Variants in GPC6 observed in about 807,000 individuals in gnomAD.
The protein encoded by GPC6 is glypican 6.
Under a neutral mutation model 55.2 loss-of-function variants are expected in GPC6, and 14 were observed. The ratio of observed to expected loss-of-function variants is 0.25; its 90% CI spans 0.17 to 0.40. The LOEUF (loss-of-function observed/expected upper bound fraction) is 0.40. Ranked by LOEUF, GPC6 falls within the 10% of genes least tolerant of loss-of-function variation. The pLI is 1.00. For missense variants in GPC6, 641 were observed against 708.5 expected, an observed-to-expected ratio of 0.90 and a Z score of 1.08; for synonymous variants, 278 against 259.6, an observed-to-expected ratio of 1.07 and a Z score of -0.68.
intron 4 of GPC6, among the ~76,000 whole-genome samples, chr13:94,089,215 T>A (rs1410777978): frequency 1.3e-5 from 2 of 152,114 alleles, no homozygotes; most frequent in Non-Finnish European, 2.9e-5. Context: ...GTGAAAATGA[T>A]CACCAAACCT....
chr13:93,242,035 G>A (rs1354780083), intron 1 of GPC6, among the ~76,000 whole-genome samples: 1 of 152,186 alleles, frequency 6.6e-6, no homozygotes, highest in Non-Finnish European at 1.5e-5. Flanking sequence ...TGCTGGAATG[G>A]CAGAGGTCTC....
At chr13:94,253,526 T>C (rs978342825) in intron 4 of GPC6, among the ~76,000 whole-genome samples, 1 of 152,040 alleles carries the variant, frequency 6.6e-6, no homozygotes, top group African/African-American at 2.4e-5. Flanking sequence ...GTTGAGAAAA[T>C]AACAGACTAA....
chr13:93,723,313 C>A (rs1360432747), intron 2 of GPC6, among the ~76,000 whole-genome samples: 1 of 151,856 alleles, frequency 6.6e-6, no homozygotes, highest in African/African-American at 2.4e-5. Context: ...GCTGATGTTT[C>A]CTATGGGAGG....
intron 3 of GPC6, chr13:93,830,866 A>T (rs543255960): frequency 3.4e-6 from 1 of 292,990 alleles, no homozygotes; most frequent in African/African-American, 2.2e-5. Context: ...GATATTTCTG[A>T]TCAGGGTTTT....
At chr13:94,069,291 C>G (rs1160188533) in intron 4 of GPC6, among the ~76,000 whole-genome samples, 1 of 152,174 alleles carries the variant, frequency 6.6e-6, no homozygotes, top group African/African-American at 2.4e-5. Flanking sequence ...GCAGCTGGGA[C>G]ACAGGAGACC....
intron 1 of GPC6, among the ~76,000 whole-genome samples, chr13:93,249,780 C>T (rs1227943683): frequency 6.6e-6 from 1 of 152,112 alleles, no homozygotes; most frequent in Non-Finnish European, 1.5e-5. Flanking sequence ...TTGGAAGGAC[C>T]TTTGGGAAGT....
At chr13:93,440,469 TACAAGTTGGAA>T (rs1213856112) in intron 1 of GPC6, among the ~76,000 whole-genome samples, 1 of 152,188 alleles carries the variant, frequency 6.6e-6, no homozygotes, top group East Asian at 1.9e-4. Context: ...CCAAGTGCAA[TACAAGTTGGAA>T]AGTAGAAACC....
chr13:93,716,681 G>T (rs1215615950), intron 2 of GPC6, among the ~76,000 whole-genome samples: 1 of 151,468 alleles, frequency 6.6e-6, no homozygotes, highest in African/African-American at 2.4e-5. Flanking sequence ...ATTTATTATT[G>T]ATGAAAGAAA....
At chr13:93,649,058 CTCTT>C (rs763482267) in intron 2 of GPC6, among the ~76,000 whole-genome samples, 24 of 152,138 alleles carry the variant, frequency 1.6e-4, no homozygotes, top group Non-Finnish European at 3.2e-4. Flanking sequence ...TTTTAGTAAT[CTCTT>C]TCTGCATGAT....
intron 1 of GPC6, among the ~76,000 whole-genome samples, chr13:93,265,026 A>G (rs757185499): frequency 1.1e-4 from 17 of 152,018 alleles, no homozygotes; most frequent in Non-Finnish European, 2.5e-4. Flanking sequence ...TTAGAGGTCT[A>G]CTCTCTGAGT....
intron 7 of GPC6, among the ~76,000 whole-genome samples, chr13:94,393,926 T>C (rs1033528745): frequency 6.6e-6 from 1 of 152,146 alleles, no homozygotes; most frequent in African/African-American, 2.4e-5. Flanking sequence ...TCAGGAGTGA[T>C]GTTGAATGTT....
intron 2 of GPC6, among the ~76,000 whole-genome samples, chr13:93,747,993 A>T (rs1348330177): frequency 6.6e-6 from 1 of 152,174 alleles, no homozygotes; most frequent in Admixed American, 6.6e-5. Flanking sequence ...TTGATAATAG[A>T]TAATGTAAAA....
intron 4 of GPC6, among the ~76,000 whole-genome samples, chr13:94,069,021 G>A (rs1884635342): frequency 6.6e-6 from 1 of 152,192 alleles, no homozygotes. Flanking sequence ...CTGTGTGGGG[G>A]CTCCAAACCC....
At chr13:94,053,401 A>G (rs934979318) in intron 4 of GPC6, among the ~76,000 whole-genome samples, 3 of 152,282 alleles carry the variant, frequency 2.0e-5, no homozygotes, top group Non-Finnish European at 4.4e-5. Context: ...TTCCACATGA[A>G]ATCATGAGCT....
chr13:93,874,339 G>T (rs1028645442), intron 3 of GPC6, among the ~76,000 whole-genome samples: 1 of 151,698 alleles, frequency 6.6e-6, no homozygotes, highest in Non-Finnish European at 1.5e-5. Context: ...TAAAGACAAC[G>T]GCCTCCAGCT....
intron 3 of GPC6, among the ~76,000 whole-genome samples, chr13:93,878,925 G>A (rs1048403810): frequency 7.2e-5 from 11 of 152,096 alleles, no homozygotes; most frequent in African/African-American, 2.7e-4. Flanking sequence ...ATTTAGAAGA[G>A]CAAGAATTAG....
intron 2 of GPC6, among the ~76,000 whole-genome samples, chr13:93,649,053 G>A (rs1310348308): frequency 1.3e-5 from 2 of 152,104 alleles, no homozygotes; most frequent in Non-Finnish European, 1.5e-5. Flanking sequence ...GTGGCTTTTA[G>A]TAATCTCTTT....
At chr13:93,796,138 G>T (rs1886190940) in intron 2 of GPC6, among the ~76,000 whole-genome samples, 2 of 151,902 alleles carry the variant, frequency 1.3e-5, no homozygotes, top group Non-Finnish European at 2.9e-5. Flanking sequence ...CAAGGTTGCA[G>T]TATGCCATGA....
chr13:93,276,644 G>C (rs1383338901), intron 1 of GPC6, among the ~76,000 whole-genome samples: 1 of 151,996 alleles, frequency 6.6e-6, no homozygotes, highest in Admixed American at 6.6e-5. Flanking sequence ...AATATAGGGT[G>C]GGGGTAAGGC....
Sources: allele counts gnomAD v4.1 joint callset (sites outside exome capture counted in the v4.1 genomes callset), GRCh38; gene constraint gnomAD v4.1.1; transcripts MANE v1.5; gene names NCBI Gene and HGNC (gene_info 2026-07-23, HGNC 2026-07-21).